The following ANK2 variants were observed in gnomAD, a reference collection of about 807,000 sequenced individuals.
ANK2 encodes ankyrin-2.
A neutral mutation model predicts 360.5 loss-of-function variants in ANK2; 83 were observed. The ratio of observed to expected loss-of-function variants is 0.23; its 90% confidence interval spans 0.19 to 0.28. The LOEUF (loss-of-function observed/expected upper bound fraction) is 0.28, where lower values mean the gene tolerates loss of function less well. Among genes scored for constraint, ANK2 ranks in the 10% least tolerant of loss-of-function variants. The probability of loss-of-function intolerance (pLI) is 1.00; values close to 1 mark genes in which losing one functional copy is unlikely to be tolerated. For missense variants in ANK2, 4,201 were observed against 4,795.7 expected, an observed-to-expected ratio of 0.88 and a Z score of 3.66; for synonymous variants, 1,740 against 1,759.5, an observed-to-expected ratio of 0.99 and a Z score of 0.28.
At chr4:113,259,695 A>G (rs895328718) in intron 13 of ANK2, among the ~76,000 whole-genome samples, 1 of 152,052 alleles carries the variant, frequency 6.6e-6, no homozygotes, top group Non-Finnish European at 1.5e-5. Flanking sequence ...ACTCCATTAG[A>G]CATGAGAGTA....
the ANK2 span, among the ~76,000 whole-genome samples, chr4:112,745,571 T>C: frequency 6.0e-5 from 9 of 149,514 alleles, no homozygotes; most frequent in Non-Finnish European, 1.5e-5. Context: ...TTCGCTCCTG[T>C]TGCCCAGGCT....
chr4:113,348,104 T>C (rs891105656), intron 35 of ANK2, 172 bp from the exon 36 acceptor site: 24 of 651,874 alleles, frequency 3.7e-5, no homozygotes, highest in Non-Finnish European at 1.9e-5. Context: ...CAATCTTCTT[T>C]TCTGCCTGTC....
At chr4:113,099,490 G>C in intron 1 of ANK2, among the ~76,000 whole-genome samples, 1 of 151,896 alleles carries the variant, frequency 6.6e-6, no homozygotes, top group Non-Finnish European at 1.5e-5. Flanking sequence ...GAAACCAAAG[G>C]AGATCTAAAT....
At position 113,166,963 on chromosome 4, in the gene ANK2, A is replaced by G. The variant is rs1476560146; in HGVS notation, c.85-7453A>G. Among the ~76,000 whole-genome samples the G allele has an allele frequency of 2.0e-5, 3 of 152,308 alleles. No homozygotes were observed. In the East Asian group the frequency reaches 5.8e-4, roughly 29 times the overall value. ...TGAATATCAGAACAACTAATAAAAA[A>G]TTATCCAGAGTTTGATTCTTAGTAA... On this transcript the variant is annotated intron_variant, in intron 1 of 45. Coordinates refer to ENST00000357077, the MANE Select transcript of ANK2 (RefSeq NM_001148.6).
chr4:113,027,234 A>G (rs2059461424), intron 2 of ANK2, among the ~76,000 whole-genome samples: 1 of 152,126 alleles, frequency 6.6e-6, no homozygotes, highest in Non-Finnish European at 1.5e-5. Context: ...GGGATGATTA[A>G]TAAAGTTATG....
chr4:112,792,401 G>T, the ANK2 span, among the ~76,000 whole-genome samples: 1 of 152,070 alleles, frequency 6.6e-6, no homozygotes, highest in Non-Finnish European at 1.5e-5. Context: ...TTTGCATCAG[G>T]CAGGATATCA....
intron 1 of ANK2, among the ~76,000 whole-genome samples, chr4:113,163,485 C>T (rs1271188306): frequency 1.3e-5 from 2 of 151,416 alleles, no homozygotes; most frequent in African/African-American, 2.4e-5. Context: ...CAAGCTTTGG[C>T]CGGGCACGGT....
chr4:113,276,371 A>G (rs947492253), intron 15 of ANK2, among the ~76,000 whole-genome samples: 20 of 152,324 alleles, frequency 1.3e-4, no homozygotes, highest in African/African-American at 4.8e-4. Context: ...GTGTGACTCA[A>G]GAGATGCCTT....
In ANK2 at chr4:113,356,739, A is replaced by G. The variant is rs1564031268; in HGVS notation, c.8121A>G (p.Glu2707=). Residue 2707 remains glutamate, a synonymous_variant, in exon 38 of 46, where the codon GAA becomes GAG. Coordinates refer to ENST00000357077, the MANE Select transcript of ANK2 (RefSeq NM_001148.6). ...TGGACTCCAATTCCAGTCCAGAAGA[A>G]GTACAATTCCAGCCTGTCGTTTCCA... The part of the protein sequence containing the change: ...SSMDSNSSPE[E]VQFQPVVSKQ... 2 of 1,614,148 alleles carry G rather than the reference A, an allele frequency of 1.2e-6. No individual in the cohort carries two copies. The highest frequency in any genetic ancestry group is 2.2e-5 in the East Asian group (1 of 44,878).
intron 1 of ANK2, chr4:113,070,274 T>C (rs1004250870): frequency 3.3e-5 from 5 of 152,186 alleles, no homozygotes; most frequent in Non-Finnish European, 5.9e-5. Flanking sequence ...ATCAGCTTTT[T>C]ATTTTTTTAT....
chr4:112,734,705 A>G, the ANK2 span, among the ~76,000 whole-genome samples: 7 of 152,354 alleles, frequency 4.6e-5, no homozygotes, highest in Non-Finnish European at 1.0e-4. Context: ...AAAGATGTTC[A>G]TGCTTATTTT....
At chr4:113,136,342 T>G (rs113216905) in intron 1 of ANK2, among the ~76,000 whole-genome samples, 4 of 152,002 alleles carry the variant, frequency 2.6e-5, no homozygotes, top group Admixed American at 2.6e-4. Context: ...TCCAGGGGAA[T>G]AGTTATTAAT....
In ANK2 at chr4:113,355,976, A is replaced by G. The variant is rs756091403; in HGVS notation, c.7358A>G (p.Asp2453Gly). Reference sequence around the variant, plus strand: ...GATAACTCTTCACACAAAACCCCTGATTCTCTGGAGCCAAGTCCTCTGAAA... The same window carrying G: ...GATAACTCTTCACACAAAACCCCTGGTTCTCTGGAGCCAAGTCCTCTGAAA... Reference protein sequence around the residue: ...LEDNSSHKTPDSLEPSPLKES... With the variant: ...LEDNSSHKTPGSLEPSPLKES... Residue 2453 changes from aspartate to glycine, a missense_variant, in exon 38 of 46, where the codon GAT (aspartate) becomes GGT (glycine). Around this residue, in one of 4 missense-constraint regions of ANK2, gnomAD observed 2,642 missense variants for 2,714.5 expected, o/e 0.97. Transcript: ENST00000357077. The G allele has an allele frequency of 6.2e-7, 1 of 1,614,064 alleles. No individual in the cohort carries two copies. Among genetic ancestry groups the G allele is most frequent in the Admixed American group, 1.7e-5 (1 of 60,006 alleles).
intron 2 of ANK2, among the ~76,000 whole-genome samples, chr4:112,944,554 C>T (rs1314341725): frequency 6.6e-6 from 1 of 152,140 alleles, no homozygotes; most frequent in African/African-American, 2.4e-5. Context: ...CTAATTTTGT[C>T]TTTTATGTCC....
chr4:113,378,878 A>G (rs1304158641), intron 45 of ANK2, among the ~76,000 whole-genome samples: 3 of 151,824 alleles, frequency 2.0e-5, no homozygotes, highest in Non-Finnish European at 2.9e-5. Flanking sequence ...CTGGTCCTCT[A>G]ACAGCACTGT....
chr4:112,902,110 T>C (rs1282422758), intron 1 of ANK2, among the ~76,000 whole-genome samples: 2 of 152,118 alleles, frequency 1.3e-5, no homozygotes, highest in Non-Finnish European at 2.9e-5. Flanking sequence ...AGAATAAACA[T>C]GTATGCAAAA....
chr4:112,964,784 T>C (rs2036524466), intron 2 of ANK2, among the ~76,000 whole-genome samples: 1 of 152,062 alleles, frequency 6.6e-6, no homozygotes, highest in Non-Finnish European at 1.5e-5. Context: ...TTAGCCAGGA[T>C]GGTCTCGATC....
At chr4:113,243,276 A>C (rs561443527) in intron 9 of ANK2, among the ~76,000 whole-genome samples, 2 of 152,278 alleles carry the variant, frequency 1.3e-5, no homozygotes, top group African/African-American at 4.8e-5. Context: ...ATGGTATTTT[A>C]CTTCACTTTG....
intron 1 of ANK2, among the ~76,000 whole-genome samples, chr4:113,108,161 A>T (rs72910271): frequency 0.015 from 2,292 of 152,212 alleles, 57 homozygotes; most frequent in African/African-American, 0.052. Context: ...AACAATACCT[A>T]TTTGTAGGCA....
Sources: allele counts gnomAD v4.1 joint callset (sites outside exome capture counted in the v4.1 genomes callset), GRCh38; gene constraint gnomAD v4.1.1; regional missense constraint gnomAD v4.1.1; transcripts MANE v1.5; gene names NCBI Gene and HGNC (gene_info 2026-07-23, HGNC 2026-07-21).